Variants in ASRGL1 observed in about 807,000 individuals in gnomAD.
ASRGL1 encodes the protein isoaspartyl peptidase/L-asparaginase.
ASRGL1 carries 16 observed loss-of-function variants against 22.4 expected under a neutral mutation model. The ratio of observed to expected loss-of-function variants is 0.71; its 90% confidence interval spans 0.48 to 1.08. The LOEUF (loss-of-function observed/expected upper bound fraction) is 1.08. Ranked by LOEUF, ASRGL1 falls within the 50% of genes least tolerant of loss-of-function variation. The pLI is 0.00. For synonymous variants in ASRGL1, 165 were observed against 159.3 expected, an observed-to-expected ratio of 1.04 and a Z score of -0.27; for missense variants, 412 against 410.1, an observed-to-expected ratio of 1.00 and a Z score of -0.04.
intron 4 of ASRGL1, chr11:62,372,793 C>T (rs1285516964): frequency 7.5e-5 from 118 of 1,580,918 alleles, no homozygotes; most frequent in Non-Finnish European, 1.0e-4. Context: ...TACACCTGCT[C>T]CTTTGCCGTC....
Position 62,356,394 on chromosome 11 carries a change from T to C in ASRGL1, c.260T>C (p.Leu87Pro). The change falls in exon 3 of 7, where the codon CTG (leucine) becomes CCG (proline). Residue 87 changes from leucine to proline, a missense_variant. Coordinates refer to ENST00000415229, the MANE Select transcript of ASRGL1 (RefSeq NM_001083926.2). Reference protein sequence around the residue: ...MDASIMDGKDLSAGAVSAVQC... With the variant: ...MDASIMDGKDPSAGAVSAVQC... Reference sequence around the variant, plus strand: ...GCTAGTATCATGGATGGAAAAGACCTGTCTGCAGGAGCAGTGTCCGCAGTC... The same window carrying C: ...GCTAGTATCATGGATGGAAAAGACCCGTCTGCAGGAGCAGTGTCCGCAGTC... 1 of 1,614,170 alleles carries C rather than the reference T, an allele frequency of 6.2e-7. No homozygotes were observed. The highest frequency in any genetic ancestry group is 8.5e-7 in the Non-Finnish European group (1 of 1,179,964).
chr11:62,376,381 T>TTA (rs1242402293), intron 4 of ASRGL1, among the ~76,000 whole-genome samples: 2 of 152,102 alleles, frequency 1.3e-5, no homozygotes, highest in Non-Finnish European at 2.9e-5. Flanking sequence ...TTGCAGAACG[T>TTA]TAAATGTCTA....
chr11:62,345,993 C>CCT (rs546309224), intron 2 of ASRGL1, among the ~76,000 whole-genome samples: 137 of 152,232 alleles, frequency 9.0e-4, no homozygotes, highest in African/African-American at 3.1e-3. Context: ...GTTGGGGACT[C>CCT]CTATGATAAA....
At position 62,349,020 on chromosome 11, in the gene ASRGL1, G is replaced by A. The variant is rs573949538; in HGVS notation, c.191-7305G>A. Among the ~76,000 whole-genome samples, 10 of 151,988 alleles carry A rather than the reference G, an allele frequency of 6.6e-5. No homozygotes were observed. In the South Asian group the frequency reaches 1.9e-3, roughly 28 times the overall value. ...GTCTCACTCTGTCGCCCAGGCTGGA[G>A]TGCAGTGGCACGATCTCGGCTCACT... On this transcript the variant is annotated intron_variant, in intron 2 of 6. Coordinates refer to ENST00000415229, the MANE Select transcript of ASRGL1 (RefSeq NM_001083926.2).
intron 4 of ASRGL1, among the ~76,000 whole-genome samples, chr11:62,387,692 GTTTT>G (rs1405822574): frequency 6.6e-6 from 1 of 152,074 alleles, no homozygotes; most frequent in Non-Finnish European, 1.5e-5. Flanking sequence ...GTGCTTCTTT[GTTTT>G]TTTGTTTGGG....
At position 62,337,568 on chromosome 11, in the gene ASRGL1, G is replaced by T. The variant is rs543150746; in HGVS notation, c.-95G>T. ...GGTCTCGGCGTCCGCGTCCTGCGGT[G>T]CCCTGGGTAAGTCGGCGGCCCTCCC... On this transcript the variant is annotated 5_prime_UTR_variant, in exon 1 of 7. Transcript: ENST00000415229. The T allele has an allele frequency of 2.4e-3, 403 of 165,370 alleles. 3 individuals are homozygous for T. The highest frequency in any genetic ancestry group is 2.3e-3 in the Non-Finnish European group (176 of 75,990). The allele number at this position is 165,370 out of a possible 1,614,324, so 10.2% of individuals were successfully genotyped here. A position where few individuals can be genotyped will look rare whatever the true frequency, so the allele number is the denominator to read the frequency against.
At chr11:62,387,367 T>A (rs1190030104) in intron 4 of ASRGL1, among the ~76,000 whole-genome samples, 2 of 152,092 alleles carry the variant, frequency 1.3e-5, no homozygotes, top group African/African-American at 2.4e-5. Context: ...AGAGTAAAAG[T>A]GGTACTATTA....
chr11:62,361,481 A>ATTTT (rs35345092), intron 4 of ASRGL1, among the ~76,000 whole-genome samples: 96 of 101,912 alleles, frequency 9.4e-4, no homozygotes, highest in African/African-American at 4.0e-3. Context: ...AACCTGGCCA[A>ATTTT]TTTTTTTTTT....
intron 4 of ASRGL1, among the ~76,000 whole-genome samples, chr11:62,361,423 G>A (rs1278801310): frequency 2.0e-5 from 3 of 151,002 alleles, no homozygotes; most frequent in South Asian, 2.1e-4. Context: ...TGAGCTCAAG[G>A]GATCTTCCCT....
chr11:62,365,525 G>C (rs12282077), intron 4 of ASRGL1, among the ~76,000 whole-genome samples: 1 of 151,880 alleles, frequency 6.6e-6, no homozygotes, highest in African/African-American at 2.4e-5. Context: ...CTGCACTCCA[G>C]CCTGGGCAAC....
At position 62,362,522 on chromosome 11, in the gene ASRGL1, T is replaced by TA. The variant is rs1491557108; in HGVS notation, c.491+5379dup. On this transcript the variant is annotated intron_variant, in intron 4 of 6. Transcript: ENST00000415229. Reference sequence around the variant, plus strand: ...TATAAAATATATAACATATATTATTTATATAATATATATTATATAAAATAT... The same window carrying TA: ...TATAAAATATATAACATATATTATTTAATATAATATATATTATATAAAATAT... Among the ~76,000 whole-genome samples the TA allele has an allele frequency of 3.2e-3, 134 of 41,934 alleles. 3 individuals carry two copies. Among genetic ancestry groups the TA allele is most frequent in the Non-Finnish European group, 6.4e-3 (118 of 18,558 alleles). The allele number at this position is 41,934 out of a possible 152,430, so 27.5% of individuals were successfully genotyped here. A position where few individuals can be genotyped will look rare whatever the true frequency, so the allele number is the denominator to read the frequency against.
intron 2 of ASRGL1, among the ~76,000 whole-genome samples, chr11:62,355,370 T>A (rs1946258248): frequency 1.3e-5 from 2 of 152,120 alleles, no homozygotes; most frequent in Admixed American, 6.5e-5. Context: ...TGACTACAGG[T>A]GCGGGCCACC....
intron 4 of ASRGL1, among the ~76,000 whole-genome samples, chr11:62,365,048 G>A (rs1271030055): frequency 6.9e-6 from 1 of 145,696 alleles, no homozygotes; most frequent in African/African-American, 2.6e-5. Flanking sequence ...CAGCCTGGGT[G>A]ACAAGCAAAA....
At chr11:62,385,027 C>G (rs1184470232) in intron 4 of ASRGL1, among the ~76,000 whole-genome samples, 1 of 145,836 alleles carries the variant, frequency 6.9e-6, no homozygotes, top group African/African-American at 2.5e-5. Context: ...CTTATAACTT[C>G]CCAATATTAA....
chr11:62,361,636 T>TG (rs1946437489), intron 4 of ASRGL1, among the ~76,000 whole-genome samples: 1 of 151,774 alleles, frequency 6.6e-6, no homozygotes, highest in East Asian at 1.9e-4. Flanking sequence ...TACAGGCGCA[T>TG]GCCACCATGC....
Position 62,348,043 on chromosome 11 carries a change from T to C in ASRGL1, c.191-8282T>C, listed in dbSNP as rs1467874786. On this transcript the variant is annotated intron_variant, in intron 2 of 6. Transcript: ENST00000415229. ...CTGATATGGTAGACATTGTATCAGGTATCATAAGTGATGTAGACATTGTAT... is the reference window on the plus strand; with the variant it reads ...CTGATATGGTAGACATTGTATCAGGCATCATAAGTGATGTAGACATTGTAT... Among the ~76,000 whole-genome samples the C allele has an allele frequency of 4.6e-5, 7 of 152,314 alleles. No individual in the cohort carries two copies. The East Asian group carries it at 1.4e-3, about 29-fold the overall frequency.
At chr11:62,359,218 G>A (rs979569045) in intron 4 of ASRGL1, among the ~76,000 whole-genome samples, 9 of 152,166 alleles carry the variant, frequency 5.9e-5, no homozygotes, top group African/African-American at 2.2e-4. Flanking sequence ...CACATCCACA[G>A]TGGATCACAT....
chr11:62,388,236 A>T (rs976127909), intron 4 of ASRGL1, among the ~76,000 whole-genome samples: 5 of 152,254 alleles, frequency 3.3e-5, no homozygotes, highest in African/African-American at 1.2e-4. Context: ...TGATCAAAAC[A>T]TCATAGGTGG....
At chr11:62,371,246 C>T in intron 4 of ASRGL1, 1 of 1,295,666 alleles carries the variant, frequency 7.7e-7, no homozygotes, top group Non-Finnish European at 1.0e-6. Flanking sequence ...AAGCGCGAGC[C>T]TCCCGAGCGC....
Sources: gnomAD v4.1 joint callset for allele counts (sites outside exome capture counted in the v4.1 genomes callset) on GRCh38, gnomAD v4.1.1 for gene constraint, MANE v1.5 for transcripts, NCBI Gene and HGNC (gene_info 2026-07-23, HGNC 2026-07-21) for gene names.